The following ARHGAP28 variants were observed in gnomAD, a reference collection of about 807,000 sequenced individuals.
The protein encoded by ARHGAP28 is Rho GTPase activating protein 28.
ARHGAP28 carries 56 observed loss-of-function variants against 90.7 expected under a neutral mutation model. The observed-to-expected ratio is 0.62, with a 90% CI of 0.50 to 0.77. The LOEUF is 0.77. Among genes scored for constraint, ARHGAP28 ranks in the 30% least tolerant of loss-of-function variants. The pLI, the probability that ARHGAP28 is intolerant of heterozygous loss-of-function variation, is 0.00. For synonymous variants in ARHGAP28, 308 were observed against 323.3 expected (o/e 0.95, Z 0.51); for missense variants, 869 against 900.9 (o/e 0.96, Z 0.45).
At chr18:6,756,646 A>G (rs549715127) in intron 1 of ARHGAP28, among the ~76,000 whole-genome samples, 2 of 152,218 alleles carry the variant, frequency 1.3e-5, no homozygotes, top group Non-Finnish European at 2.9e-5. Flanking sequence ...ATTGACTCAC[A>G]CAATCACAAG....
At chr18:6,875,821 T>A (rs55737839) in intron 9 of ARHGAP28, among the ~76,000 whole-genome samples, 2 of 152,312 alleles carry the variant, frequency 1.3e-5, no homozygotes, top group Non-Finnish European at 2.9e-5. Context: ...AGTAATCAGA[T>A]CTTAAAAATG....
intron 11 of ARHGAP28, among the ~76,000 whole-genome samples, chr18:6,886,400 C>T (rs2057221458): frequency 6.6e-6 from 1 of 152,068 alleles, no homozygotes; most frequent in South Asian, 2.1e-4. Flanking sequence ...TGGATGGAAT[C>T]CCTGAGTATA....
intron 1 of ARHGAP28, among the ~76,000 whole-genome samples, chr18:6,762,903 G>C (rs1440361258): frequency 6.6e-6 from 1 of 152,052 alleles, no homozygotes; most frequent in Non-Finnish European, 1.5e-5. Context: ...AGTAATATAC[G>C]CACAATGAAT....
chr18:6,855,932 C>T (rs551546358), intron 4 of ARHGAP28, among the ~76,000 whole-genome samples: 1 of 152,250 alleles, frequency 6.6e-6, no homozygotes, highest in African/African-American at 2.4e-5. Context: ...CTGGACCCTG[C>T]GCTTGCTCAC....
intron 2 of ARHGAP28, among the ~76,000 whole-genome samples, chr18:6,825,918 C>A (rs2056658851): frequency 6.6e-6 from 1 of 152,238 alleles, no homozygotes; most frequent in South Asian, 2.1e-4. Context: ...GATGAACATA[C>A]AAGTGCATGT....
chr18:6,868,292 CT>C, intron 6 of ARHGAP28, 58 bp downstream of exon 6: 1 of 1,450,230 alleles, frequency 6.9e-7, no homozygotes, highest in African/African-American at 1.4e-5. Flanking sequence ...TGTTCTGGCA[CT>C]CAATACAGTT....
At chr18:6,769,757 A>G (rs2116253) in intron 1 of ARHGAP28, among the ~76,000 whole-genome samples, 65,807 of 152,086 alleles carry the variant, frequency 0.43, 15,439 homozygotes, top group East Asian at 0.85. Context: ...AGCTATTTCT[A>G]TGTCTATCTT....
intron 2 of ARHGAP28, among the ~76,000 whole-genome samples, chr18:6,828,379 ACAG>A (rs2056691007): frequency 6.6e-6 from 1 of 150,880 alleles, no homozygotes; most frequent in South Asian, 2.1e-4. Context: ...AGAGGGAGAG[ACAG>A]AGGAGGAGAG....
intron 15 of ARHGAP28, 145 bp downstream of exon 15, chr18:6,895,036 G>T: frequency 1.2e-6 from 1 of 814,566 alleles, no homozygotes; most frequent in Non-Finnish European, 2.1e-6. Flanking sequence ...AATGGTAGAG[G>T]GACCTGACTA....
intron 10 of ARHGAP28, 140 bp downstream of exon 10, chr18:6,876,348 G>A: frequency 1.8e-6 from 1 of 565,136 alleles, no homozygotes; most frequent in Non-Finnish European, 3.0e-6. Flanking sequence ...TGGTACCTGT[G>A]GTAAAATGTT....
At chr18:6,845,211 T>C (rs2056857149) in intron 3 of ARHGAP28, among the ~76,000 whole-genome samples, 1 of 152,164 alleles carries the variant, frequency 6.6e-6, no homozygotes, top group African/African-American at 2.4e-5. Context: ...CCCTGGTAGC[T>C]GGGACTACAA....
At chr18:6,814,253 G>A (rs1328470281) in intron 1 of ARHGAP28, among the ~76,000 whole-genome samples, 2 of 152,154 alleles carry the variant, frequency 1.3e-5, no homozygotes, top group African/African-American at 2.4e-5. Flanking sequence ...CCATGAGGAG[G>A]AAAGCCAGTC....
At chr18:6,827,556 T>C (rs1203914427) in intron 2 of ARHGAP28, among the ~76,000 whole-genome samples, 3 of 114,134 alleles carry the variant, frequency 2.6e-5, no homozygotes, top group Admixed American at 9.2e-5. Context: ...CCCCCCCACC[T>C]CCCTCCCGGA....
chr18:6,825,522 T>C (rs1041228402), intron 2 of ARHGAP28, among the ~76,000 whole-genome samples: 2 of 152,152 alleles, frequency 1.3e-5, no homozygotes, highest in Admixed American at 6.6e-5. Context: ...AAGGGGTACA[T>C]GTGCAGGTTT....
chr18:6,909,561 G>A (rs557258577), intron 17 of ARHGAP28, among the ~76,000 whole-genome samples: 318 of 152,122 alleles, frequency 2.1e-3, no homozygotes, highest in African/African-American at 7.2e-3. Context: ...CCAAGGTGCT[G>A]GGATTACAGG....
intron 14 of ARHGAP28, among the ~76,000 whole-genome samples, chr18:6,892,793 C>G (rs540854624): frequency 6.6e-6 from 1 of 152,304 alleles, no homozygotes; most frequent in South Asian, 2.1e-4. Context: ...CAGAGATTCT[C>G]TTAAATGTCT....
At chr18:6,777,684 C>T (rs150928469) in intron 1 of ARHGAP28, among the ~76,000 whole-genome samples, 1 of 151,972 alleles carries the variant, frequency 6.6e-6, no homozygotes, top group Non-Finnish European at 1.5e-5. Flanking sequence ...ATGATTGCAC[C>T]ACTGCATTCC....
chr18:6,818,715 A>T (rs1249923988), intron 1 of ARHGAP28, among the ~76,000 whole-genome samples: 1 of 152,170 alleles, frequency 6.6e-6, no homozygotes, highest in Non-Finnish European at 1.5e-5. Context: ...TTGCTTGGGG[A>T]GAAAGAAGGT....
At chr18:6,787,726 A>G (rs909529761) in intron 1 of ARHGAP28, among the ~76,000 whole-genome samples, 1 of 152,218 alleles carries the variant, frequency 6.6e-6, no homozygotes, top group Non-Finnish European at 1.5e-5. Flanking sequence ...CTTTTCAAAA[A>G]CACAGTTTTA....
Sources: gnomAD v4.1 joint callset for allele counts (sites outside exome capture counted in the v4.1 genomes callset) on GRCh38, gnomAD v4.1.1 for gene constraint, MANE v1.5 for transcripts, NCBI Gene and HGNC (gene_info 2026-07-23, HGNC 2026-07-21) for gene names.